COX10: variants seen among roughly 807,000 people sequenced by gnomAD.
The protein encoded by COX10 is protoheme IX farnesyltransferase, mitochondrial.
In COX10, 27 loss-of-function variants were observed where a neutral mutation model predicts 37.3. The ratio of observed to expected loss-of-function variants is 0.72; its 90% confidence interval spans 0.53 to 1.00. The LOEUF is 1.00. COX10 is among the 50% of genes least tolerant of loss of function. The probability of loss-of-function intolerance (pLI) is 0.00; values close to 1 mark genes in which losing one functional copy is unlikely to be tolerated. For missense variants in COX10, 475 were observed against 563.2 expected (o/e 0.84, Z 1.59); for synonymous variants, 222 against 229.1 (o/e 0.97, Z 0.28).
chr17:14,179,550 T>G (rs1177090551), intron 5 of COX10, among the ~76,000 whole-genome samples: 1 of 152,124 alleles, frequency 6.6e-6, no homozygotes, highest in East Asian at 1.9e-4. Flanking sequence ...CCCAGAAATA[T>G]GTGTTGAATG....
chr17:14,180,301 A>G (rs1318167191), intron 5 of COX10, among the ~76,000 whole-genome samples: 1 of 152,210 alleles, frequency 6.6e-6, no homozygotes, highest in African/African-American at 2.4e-5. Flanking sequence ...AGTGTTAACC[A>G]GTGAAGTGGC....
At chr17:14,083,375 G>C (rs1050084770) in intron 3 of COX10, among the ~76,000 whole-genome samples, 1 of 152,160 alleles carries the variant, frequency 6.6e-6, no homozygotes, top group Non-Finnish European at 1.5e-5. Context: ...GAAAATACCT[G>C]ATATCTGTCC....
chr17:14,104,876 C>T (rs188354864), intron 4 of COX10, among the ~76,000 whole-genome samples: 202 of 152,172 alleles, frequency 1.3e-3, no homozygotes, highest in Admixed American at 3.6e-3. Context: ...GAGTAAATTA[C>T]GTACATATTT....
chr17:14,150,701 A>G lies in COX10; in HGVS notation c.625-9176A>G, dbSNP rs1567602424. On this transcript the variant is annotated intron_variant, in intron 4 of 6. Transcript: ENST00000261643. ...GTTGGCCCAGTTTGAATCAGATAACACACTCAGTAATCACTGTGTCCAGGA... is the reference window on the plus strand; with the variant it reads ...GTTGGCCCAGTTTGAATCAGATAACGCACTCAGTAATCACTGTGTCCAGGA... Among the ~76,000 whole-genome samples the G allele has an allele frequency of 3.3e-5, 5 of 152,186 alleles. No individual in the cohort carries two copies. The South Asian group carries it at 1.0e-3, about 32-fold the overall frequency.
intron 4 of COX10, among the ~76,000 whole-genome samples, chr17:14,103,714 A>G (rs944799033): frequency 1.3e-5 from 2 of 152,134 alleles, no homozygotes; most frequent in African/African-American, 4.8e-5. Flanking sequence ...AAAACCTCTC[A>G]GTTGGATCAA....
chr17:14,109,605 T>G (rs1194758540), intron 4 of COX10, among the ~76,000 whole-genome samples: 1 of 152,166 alleles, frequency 6.6e-6, no homozygotes, highest in Non-Finnish European at 1.5e-5. Flanking sequence ...ATCACACGTG[T>G]TTGAAAGTGG....
At chr17:14,163,004 C>G (rs1159897914) in intron 5 of COX10, among the ~76,000 whole-genome samples, 1 of 152,156 alleles carries the variant, frequency 6.6e-6, no homozygotes, top group Non-Finnish European at 1.5e-5. Context: ...TTCCAACTTA[C>G]AACATTCCAG....
At chr17:14,199,070 CAA>C (rs58368681) in intron 6 of COX10, among the ~76,000 whole-genome samples, 11 of 132,340 alleles carry the variant, frequency 8.3e-5, no homozygotes, top group Non-Finnish European at 9.9e-5. Context: ...CTTGAAAGAC[CAA>C]AAAAAAAAAA....
At chr17:14,073,400 A>G (rs1915073116) in intron 1 of COX10, among the ~76,000 whole-genome samples, 1 of 152,186 alleles carries the variant, frequency 6.6e-6, no homozygotes, top group Admixed American at 6.5e-5. Context: ...TAATGGTTTT[A>G]TGTACAATAG....
At chr17:14,192,858 A>T (rs951628335) in intron 6 of COX10, among the ~76,000 whole-genome samples, 6 of 152,174 alleles carry the variant, frequency 3.9e-5, no homozygotes, top group African/African-American at 1.4e-4. Context: ...TTTTTGACCG[A>T]CACTTAGGAA....
At position 14,183,561 on chromosome 17, in the gene COX10, C is replaced by T. The variant is rs555285658; in HGVS notation, c.696-8428C>T. Among the ~76,000 whole-genome samples, 3 of 152,284 alleles carry T rather than the reference C, an allele frequency of 2.0e-5. No individual in the cohort carries two copies. In the East Asian group the frequency reaches 5.8e-4, roughly 29 times the overall value. On this transcript the variant is annotated intron_variant, in intron 5 of 6. Coordinates refer to ENST00000261643, the MANE Select transcript of COX10 (RefSeq NM_001303.4). ...TGCAAGAGCACCAACGTTTAAAAAA[C>T]ATGTTTTGTATGTGATCAATCTAGC... is the stretch of plus-strand genomic sequence containing the variant.
At chr17:14,073,662 G>A (rs1054523475) in intron 1 of COX10, among the ~76,000 whole-genome samples, 1 of 152,168 alleles carries the variant, frequency 6.6e-6, no homozygotes, top group Admixed American at 6.5e-5. Flanking sequence ...ATAGAATGCA[G>A]AGAACCAGGA....
chr17:14,159,657 G>A lies in COX10; in HGVS notation c.625-220G>A, dbSNP rs35926863. On this transcript the variant is annotated intron_variant, in intron 4 of 6. Transcript: ENST00000261643. ...CAGGTGATTTTCAAAGTGGATAAAA[G>A]TAGATATTCCTGACACCTAGTGCAA... 0.58 allele frequency among the ~76,000 whole-genome samples: 88,116 copies of A among 151,942 alleles called. 25,976 individuals are homozygous for A. Among genetic ancestry groups the A allele is most frequent in the East Asian group, 0.63 (3,220 of 5,142 alleles).
chr17:14,112,195 C>A (rs370033884), intron 4 of COX10, among the ~76,000 whole-genome samples: 25 of 152,246 alleles, frequency 1.6e-4, no homozygotes, highest in African/African-American at 6.0e-4. Flanking sequence ...TCAGAAATGA[C>A]CCTCTTTGTA....
chr17:14,127,312 G>C (rs1916363926), intron 4 of COX10, among the ~76,000 whole-genome samples: 1 of 152,116 alleles, frequency 6.6e-6, no homozygotes, highest in Non-Finnish European at 1.5e-5. Context: ...AGTAAATAAA[G>C]TTATAACATT....
At chr17:14,122,244 A>C (rs1416822761) in intron 4 of COX10, among the ~76,000 whole-genome samples, 6 of 152,172 alleles carry the variant, frequency 3.9e-5, no homozygotes, top group Non-Finnish European at 8.8e-5. Flanking sequence ...ACTTTCAGCT[A>C]TAACTTTATC....
At chr17:14,085,865 A>G (rs911430137) in intron 3 of COX10, among the ~76,000 whole-genome samples, 1 of 152,196 alleles carries the variant, frequency 6.6e-6, no homozygotes, top group Non-Finnish European at 1.5e-5. Flanking sequence ...TGAATGCTTG[A>G]TGATAATGTA....
At position 14,186,254 on chromosome 17, in the gene COX10, A is replaced by AT. The variant is rs1174834620; in HGVS notation, c.696-5732dup. ...ATCTGGAAGACTTCACTGAGTCTGC[A>AT]TTTGCCCAGAGGTCTCTGTATGTGG... On this transcript the variant is annotated intron_variant, in intron 5 of 6. Transcript: ENST00000261643. Among the ~76,000 whole-genome samples the AT allele has an allele frequency of 2.0e-5, 3 of 151,898 alleles. No individual in the cohort carries two copies. In the East Asian group the frequency reaches 5.8e-4, roughly 29 times the overall value.
At chr17:14,073,692 C>T (rs1263524110) in intron 1 of COX10, among the ~76,000 whole-genome samples, 1 of 152,130 alleles carries the variant, frequency 6.6e-6, no homozygotes, top group Admixed American at 6.5e-5. Flanking sequence ...GTCATGGAAG[C>T]CTTCGGGAGA....
Sources: gnomAD v4.1 joint callset for allele counts (sites outside exome capture counted in the v4.1 genomes callset) on GRCh38, gnomAD v4.1.1 for gene constraint, MANE v1.5 for transcripts, NCBI Gene and HGNC (gene_info 2026-07-23, HGNC 2026-07-21) for gene names.